The following SMOX variants were observed in gnomAD, a reference collection of about 807,000 sequenced individuals.
SMOX encodes flavin containing amine oxidase.
A neutral mutation model predicts 51.0 loss-of-function variants in SMOX; 22 were observed. The ratio of observed to expected loss-of-function variants is 0.43; its 90% CI spans 0.31 to 0.62. The LOEUF (loss-of-function observed/expected upper bound fraction) is 0.62. Among genes scored for constraint, SMOX ranks in the 20% least tolerant of loss-of-function variants. The pLI is 0.10. For synonymous variants in SMOX, 282 were observed against 307.8 expected (o/e 0.92, Z 0.88); for missense variants, 566 against 777.7 (o/e 0.73, Z 3.24).
chr20:4,153,829 T>C lies in SMOX; in HGVS notation c.-27+4852T>C, dbSNP rs1431732455. On this transcript the variant is annotated intron_variant, in intron 1 of 6. Coordinates refer to ENST00000305958, the MANE Select transcript of SMOX (RefSeq NM_175839.3). The surrounding 1 kb of genome is among the most constrained non-coding windows in gnomAD (Gnocchi z 4.4). ...TTGTCTGCTGAGTCGAAGTGAAGGC[T>C]GTGGCCAAGCCTGAGGCGGGCAGGC... Among the ~76,000 whole-genome samples the C allele has an allele frequency of 2.0e-5, 3 of 152,174 alleles. No individual in the cohort carries two copies. The highest frequency in any genetic ancestry group is 7.2e-5 in the African/African-American group (3 of 41,454).
intron 1 of SMOX, among the ~76,000 whole-genome samples, chr20:4,158,843 C>T (rs1986164952): frequency 6.6e-6 from 1 of 152,078 alleles, no homozygotes; most frequent in African/African-American, 2.4e-5. Context: ...CACCTCTGAT[C>T]CTGGCGGGTG....
Position 4,170,861 on chromosome 20 carries a change from G to A in SMOX, c.-26-4169G>A, listed in dbSNP as rs760097754. 1.3e-5 allele frequency among the ~76,000 whole-genome samples: 2 copies of A among 152,184 alleles called. No homozygotes were observed. The highest frequency in any genetic ancestry group is 2.9e-5 in the Non-Finnish European group (2 of 68,042). On this transcript the variant is annotated intron_variant, in intron 1 of 6. Coordinates refer to ENST00000305958, the MANE Select transcript of SMOX (RefSeq NM_175839.3). This position sits in a 1 kb window ranked among gnomAD's most constrained non-coding sequence, Gnocchi z 4.6. Reference sequence around the variant, plus strand: ...GCCTGCAGGCTGGAGAACTGGCTGCGTGGTATCTTGGATGAAATTGCCAGG... The same window carrying A: ...GCCTGCAGGCTGGAGAACTGGCTGCATGGTATCTTGGATGAAATTGCCAGG...
Position 4,186,838 on chromosome 20 carries a change from T to C in SMOX, c.1531-432T>C, listed in dbSNP as rs758805196. The C allele has an allele frequency of 1.9e-4, 151 of 780,132 alleles. No homozygotes were observed. The Middle Eastern group carries it at 2.2e-3, about 12-fold the overall frequency. 48.3% of individuals were successfully genotyped at this position (780,132 alleles called of 1,614,324 possible). On this transcript the variant is annotated intron_variant, in intron 6 of 6. Coordinates refer to ENST00000305958, the MANE Select transcript of SMOX (RefSeq NM_175839.3). ...CTAACAGGGGCGCCGTAAAGGTTTG[T>C]CAAATTACCACCGACTTTATTGAGT...
chr20:4,165,657 C>T (rs934647805), intron 1 of SMOX, among the ~76,000 whole-genome samples: 3 of 152,154 alleles, frequency 2.0e-5, no homozygotes, highest in African/African-American at 7.2e-5. Flanking sequence ...ATACAGGAGG[C>T]TGGTGAATAG....
At position 4,181,693 on chromosome 20, in the gene SMOX, C is replaced by T; in HGVS notation, c.436-110C>T. Reference sequence around the variant, plus strand: ...ATCCCTAAGGGACAGAGACCAGGGGCTCAGTGCATCCAGGGGACACCTGGG... The same window carrying T: ...ATCCCTAAGGGACAGAGACCAGGGGTTCAGTGCATCCAGGGGACACCTGGG... On this transcript the variant is annotated intron_variant, in intron 3 of 6. Coordinates refer to ENST00000305958, the MANE Select transcript of SMOX (RefSeq NM_175839.3). The surrounding 1 kb of genome is among the most constrained non-coding windows in gnomAD (Gnocchi z 5.6). 3 of 1,285,906 alleles carry T rather than the reference C, an allele frequency of 2.3e-6. No individual in the cohort carries two copies. Among genetic ancestry groups the T allele is most frequent in the Non-Finnish European group, 3.3e-6 (3 of 920,516 alleles). The allele number at this position is 1,285,906 out of a possible 1,614,324, so 79.7% of individuals were successfully genotyped here.
At position 4,183,225 on chromosome 20, in the gene SMOX, C is replaced by T. The variant is rs113781826; in HGVS notation, c.1370-269C>T. 1.1e-4 allele frequency: 64 copies of T among 576,830 alleles called. 1 individual carries two copies. Among genetic ancestry groups the T allele is most frequent in the African/African-American group, 5.8e-4 (31 of 53,488 alleles). The allele number at this position is 576,830 out of a possible 1,614,324, so 35.7% of individuals were successfully genotyped here. ...CCTCACGAGAACCCCCGATATTAGGCGGGGAAACATGATTATGTGTCATGT... is the reference window on the plus strand; with the variant it reads ...CCTCACGAGAACCCCCGATATTAGGTGGGGAAACATGATTATGTGTCATGT... On this transcript the variant is annotated intron_variant, in intron 5 of 6. Transcript: ENST00000305958. This position sits in a 1 kb window ranked among gnomAD's most constrained non-coding sequence, Gnocchi z 4.3.
At chr20:4,152,223 A>G (rs1985799161) in intron 1 of SMOX, among the ~76,000 whole-genome samples, 1 of 152,176 alleles carries the variant, frequency 6.6e-6, no homozygotes, top group South Asian at 2.1e-4. Context: ...CTGGGTCAGC[A>G]GAGGGATATG....
chr20:4,159,858 T>C (rs1431789505), intron 1 of SMOX, among the ~76,000 whole-genome samples: 5 of 152,004 alleles, frequency 3.3e-5, no homozygotes, highest in African/African-American at 1.2e-4. Flanking sequence ...CTCGCGTGGG[T>C]GGGGGACTGT....
chr20:4,156,402 CAGAG>C (rs149246943), intron 1 of SMOX, among the ~76,000 whole-genome samples: 1 of 152,076 alleles, frequency 6.6e-6, no homozygotes, highest in African/African-American at 2.4e-5. Context: ...GAGGGCACTG[CAGAG>C]AGAGAGATGC....
In SMOX at chr20:4,169,271, C is replaced by T. The variant is rs573148348; in HGVS notation, c.-26-5759C>T. ...TCCCACCTTGCCTCCCAAAGTGCCG[C>T]GATTACAGGCATGAACCACCTGTAA... is the stretch of plus-strand genomic sequence containing the variant. On this transcript the variant is annotated intron_variant, in intron 1 of 6. Transcript: ENST00000305958. 5.3e-5 allele frequency among the ~76,000 whole-genome samples: 8 copies of T among 152,190 alleles called. 1 individual carries two copies. Among genetic ancestry groups the T allele is most frequent in the Admixed American group, 3.9e-4 (6 of 15,284 alleles).
rs528011571 is a variant in SMOX at position 4,150,547 on chromosome 20, C to T, written c.-27+1570C>T. The stretch of plus-strand genomic sequence containing the variant: ...GGCCCCAGGGCTTTGTCCGTAGCCG[C>T]TTCTCTCTCTGGTCTATTTACAAAC... On this transcript the variant is annotated intron_variant, in intron 1 of 6. Transcript: ENST00000305958. Among the ~76,000 whole-genome samples the T allele has an allele frequency of 8.5e-5, 13 of 152,340 alleles. No homozygotes were observed. The South Asian group carries it at 2.7e-3, about 32-fold the overall frequency.
In SMOX at chr20:4,187,181, G is replaced by T. The variant is rs1979796319; in HGVS notation, c.1531-89G>T. 2 of 1,467,690 alleles carry T rather than the reference G, an allele frequency of 1.4e-6. No individual in the cohort carries two copies. Among genetic ancestry groups the T allele is most frequent in the Admixed American group, 2.3e-5 (1 of 43,880 alleles). The allele number at this position is 1,467,690 out of a possible 1,614,324, so 90.9% of individuals were successfully genotyped here. ...CAGAGCCTCTCTAATTTGTCATTGGGATGGGAGGTTCTGGTGGAGAGGGGT... is the reference window on the plus strand; with the variant it reads ...CAGAGCCTCTCTAATTTGTCATTGGTATGGGAGGTTCTGGTGGAGAGGGGT... On this transcript the variant is annotated intron_variant, in intron 6 of 6. Transcript: ENST00000305958. This position sits in a 1 kb window ranked among gnomAD's most constrained non-coding sequence, Gnocchi z 4.8.
rs909248081 is a variant in SMOX at position 4,149,674 on chromosome 20, A to G, written c.-27+697A>G. On this transcript the variant is annotated intron_variant, in intron 1 of 6. Transcript: ENST00000305958. The surrounding 1 kb of genome is among the most constrained non-coding windows in gnomAD (Gnocchi z 6.0). ...CTGAGGGAAGCCACTGCCCTGGGGT[A>G]GGGGCGAGGGCTCCTTTAGAGCAGT... 6.6e-6 allele frequency among the ~76,000 whole-genome samples: 1 copy of G among 152,120 alleles called. No homozygotes were observed. Among genetic ancestry groups the G allele is most frequent in the Non-Finnish European group, 1.5e-5 (1 of 67,968 alleles).
chr20:4,168,987 G>A (rs1188151852), intron 1 of SMOX, among the ~76,000 whole-genome samples: 3 of 149,116 alleles, frequency 2.0e-5, no homozygotes, highest in Admixed American at 6.7e-5. Flanking sequence ...TTGCTCTGTC[G>A]CCCAGACTAG....
intron 1 of SMOX, among the ~76,000 whole-genome samples, chr20:4,152,098 C>A (rs566216008): frequency 6.6e-6 from 1 of 152,254 alleles, no homozygotes; most frequent in Non-Finnish European, 1.5e-5. Flanking sequence ...AGAAGGTATG[C>A]GTGGCTGGAG....
chr20:4,169,590 G>A (rs1299839185), intron 1 of SMOX, among the ~76,000 whole-genome samples: 1 of 152,216 alleles, frequency 6.6e-6, no homozygotes, highest in African/African-American at 2.4e-5. Context: ...CTGCCCTGTG[G>A]CTGTGGGGCT....
intron 3 of SMOX, among the ~76,000 whole-genome samples, chr20:4,178,391 CACAGCTGTAG>C (rs2122554889): frequency 6.6e-6 from 1 of 152,328 alleles, no homozygotes; most frequent in South Asian, 2.1e-4. Flanking sequence ...TGTTGGATAG[CACAGCTGTAG>C]ACAGTTTTAT....
rs1600807477 is a variant in SMOX, at chr20:4,166,510, C to G, written c.-26-8520C>G. ...TTACAGGTGTGAGCCACTGTGCCCT[C>G]CCAGCCTCTCTGGCTTCTTTCTGAG... On this transcript the variant is annotated intron_variant, in intron 1 of 6. Coordinates refer to ENST00000305958, the MANE Select transcript of SMOX (RefSeq NM_175839.3). The surrounding 1 kb of genome is among the most constrained non-coding windows in gnomAD (Gnocchi z 4.2). Among the ~76,000 whole-genome samples the G allele has an allele frequency of 1.3e-5, 2 of 152,184 alleles. No individual in the cohort carries two copies.
At chr20:4,174,500 G>A (rs1331303617) in intron 1 of SMOX, among the ~76,000 whole-genome samples, 1 of 152,040 alleles carries the variant, frequency 6.6e-6, no homozygotes, top group Non-Finnish European at 1.5e-5. Context: ...AAGTATCCGG[G>A]GTCTGTGTGA....
Sources: gnomAD v4.1 joint callset for allele counts (sites outside exome capture counted in the v4.1 genomes callset) on GRCh38, gnomAD v4.1.1 for gene constraint, Gnocchi (gnomAD v3.1) non-coding constraint, MANE v1.5 for transcripts, NCBI Gene and HGNC (gene_info 2026-07-23, HGNC 2026-07-21) for gene names.